The following PCSK5 variants were observed in gnomAD, a reference collection of about 807,000 sequenced individuals.
PCSK5 encodes the protein proprotein convertase subtilisin/kexin type 5.
In PCSK5, 129 loss-of-function variants were observed where a neutral mutation model predicts 233.2. That is an observed-to-expected ratio of 0.55 (90% CI 0.48 to 0.64). PCSK5 has a LOEUF of 0.64. Ranked by LOEUF, PCSK5 falls within the 30% of genes least tolerant of loss-of-function variation. The pLI, the probability that PCSK5 is intolerant of heterozygous loss-of-function variation, is 0.00. For synonymous variants in PCSK5, 825 were observed against 879.2 expected, an observed-to-expected ratio of 0.94 and a Z score of 1.09; for missense variants, 2,076 against 2,430.1, an observed-to-expected ratio of 0.85 and a Z score of 3.06.
Position 75,935,498 on chromosome 9 carries a change from C to CT in PCSK5, c.297+3021dup, listed in dbSNP as rs1167965658. On this transcript the variant is annotated intron_variant, in intron 2 of 37. Coordinates refer to ENST00000674117, the MANE Select transcript of PCSK5 (RefSeq NM_001372043.1). ...TGTATTTATTTAAAATAAGGACATT[C>CT]TTTTTTATAACCGTAAGTATAACAA... is the stretch of plus-strand genomic sequence containing the variant. Among the ~76,000 whole-genome samples, 10 of 152,208 alleles carry CT rather than the reference C, an allele frequency of 6.6e-5. No homozygotes were observed. The East Asian group carries it at 1.7e-3, about 26-fold the overall frequency.
chr9:76,223,387 A>T (rs1314086678), intron 20 of PCSK5, among the ~76,000 whole-genome samples: 1 of 152,246 alleles, frequency 6.6e-6, no homozygotes, highest in African/African-American at 2.4e-5. Flanking sequence ...ATGCTATGAT[A>T]CATGTTCAGT....
At chr9:76,290,034 T>C (rs17721076) in intron 24 of PCSK5, among the ~76,000 whole-genome samples, 31,448 of 152,122 alleles carry the variant, frequency 0.21, 3,352 homozygotes, top group South Asian at 0.22. Context: ...GACCAGAACA[T>C]TAAAGAACAG....
At chr9:76,074,459 G>T (rs1312434222) in intron 7 of PCSK5, among the ~76,000 whole-genome samples, 2 of 152,156 alleles carry the variant, frequency 1.3e-5, no homozygotes, top group Non-Finnish European at 2.9e-5. Flanking sequence ...TTGGCTCATA[G>T]CATTGCACAT....
Position 75,891,385 on chromosome 9 carries a change from C to A in PCSK5, c.192+12C>A. The stretch of plus-strand genomic sequence containing the variant: ...TCAACATAGGACAGGTAACGAACTA[C>A]AGGCTAGCCCAGCCCTCGGCCCTGA... On this transcript the variant is annotated intron_variant, in intron 1 of 37. Transcript: ENST00000674117. 4 of 1,539,502 alleles carry A rather than the reference C, an allele frequency of 2.6e-6. No homozygotes were observed. The highest frequency in any genetic ancestry group is 3.5e-6 in the Non-Finnish European group (4 of 1,149,576).
intron 1 of PCSK5, among the ~76,000 whole-genome samples, chr9:75,915,196 C>T (rs1349754898): frequency 6.6e-6 from 1 of 152,186 alleles, no homozygotes; most frequent in African/African-American, 2.4e-5. Context: ...CCCATGACTG[C>T]AGTGCTCAGG....
chr9:76,191,958 A>ACTTGGGT (rs1184195942), intron 20 of PCSK5, among the ~76,000 whole-genome samples: 1 of 147,426 alleles, frequency 6.8e-6, no homozygotes, highest in Non-Finnish European at 1.5e-5. Context: ...ACGTACCTGT[A>ACTTGGGT]ATCCCAGCTA....
At chr9:76,283,181 T>C (rs1323443641) in intron 24 of PCSK5, among the ~76,000 whole-genome samples, 3 of 152,204 alleles carry the variant, frequency 2.0e-5, no homozygotes, top group Non-Finnish European at 4.4e-5. Flanking sequence ...ATTTAGTTGA[T>C]AAAGTAGCAG....
chr9:76,236,199 AT>A (rs1169132057), intron 22 of PCSK5, among the ~76,000 whole-genome samples: 1 of 152,182 alleles, frequency 6.6e-6, no homozygotes, highest in Non-Finnish European at 1.5e-5. Context: ...CATCAAGTTT[AT>A]TTTCAGAATC....
chr9:75,905,420 G>A (rs1028033170), intron 1 of PCSK5, among the ~76,000 whole-genome samples: 29 of 152,218 alleles, frequency 1.9e-4, no homozygotes, highest in African/African-American at 6.5e-4. Flanking sequence ...GGCAAGCTGA[G>A]GCAGAAAGAG....
chr9:76,289,406 A>G (rs1159584166), intron 24 of PCSK5, among the ~76,000 whole-genome samples: 1 of 151,182 alleles, frequency 6.6e-6, no homozygotes, highest in African/African-American at 2.4e-5. Context: ...CCTTCTTTGG[A>G]TAACACCTTC....
intron 2 of PCSK5, among the ~76,000 whole-genome samples, chr9:75,960,043 A>G (rs1446908088): frequency 6.6e-6 from 1 of 152,202 alleles, no homozygotes; most frequent in Non-Finnish European, 1.5e-5. Flanking sequence ...GTCCAACACC[A>G]AAGTCCACAT....
intron 2 of PCSK5, among the ~76,000 whole-genome samples, chr9:75,967,432 C>CT (rs1563943786): frequency 1.3e-5 from 2 of 152,138 alleles, no homozygotes; most frequent in South Asian, 2.1e-4. Flanking sequence ...TGATTTCATT[C>CT]TTTTTTGTGG....
intron 5 of PCSK5, among the ~76,000 whole-genome samples, chr9:76,031,653 C>A (rs867798164): frequency 6.6e-6 from 1 of 152,170 alleles, no homozygotes; most frequent in Non-Finnish European, 1.5e-5. Context: ...TGTGCCACTG[C>A]ACTCCAGCCT....
intron 35 of PCSK5, among the ~76,000 whole-genome samples, chr9:76,342,666 C>T (rs1829868017): frequency 6.6e-6 from 1 of 152,204 alleles, no homozygotes; most frequent in African/African-American, 2.4e-5. Context: ...AAATCTGCTT[C>T]TTTTCCCAAA....
intron 10 of PCSK5, among the ~76,000 whole-genome samples, chr9:76,136,821 C>T (rs1024808137): frequency 4.6e-5 from 7 of 152,050 alleles, no homozygotes; most frequent in Admixed American, 4.6e-4. Context: ...ATTTCTTTCT[C>T]ATCACGTAAA....
chr9:76,290,364 G>C (rs772013820), intron 24 of PCSK5, among the ~76,000 whole-genome samples: 72 of 152,238 alleles, frequency 4.7e-4, no homozygotes, highest in Middle Eastern at 3.4e-3. Context: ...TTCACTTCCT[G>C]GTTCCACCTA....
intron 20 of PCSK5, among the ~76,000 whole-genome samples, chr9:76,205,570 C>T (rs936543477): frequency 3.9e-5 from 6 of 152,182 alleles, no homozygotes; most frequent in African/African-American, 1.4e-4. Context: ...GAAGTTCCGT[C>T]TCCCTGTCTT....
At chr9:76,258,869 A>G (rs1827066020) in intron 24 of PCSK5, among the ~76,000 whole-genome samples, 1 of 152,154 alleles carries the variant, frequency 6.6e-6, no homozygotes, top group Non-Finnish European at 1.5e-5. Flanking sequence ...CGAACCATGA[A>G]GTCAGTAACA....
chr9:75,917,265 GCC>G (rs1418498870), intron 1 of PCSK5, among the ~76,000 whole-genome samples: 1 of 152,090 alleles, frequency 6.6e-6, no homozygotes, highest in Non-Finnish European at 1.5e-5. Flanking sequence ...AAGACACATG[GCC>G]TGATGAGTTA....
Sources: allele counts gnomAD v4.1 joint callset (sites outside exome capture counted in the v4.1 genomes callset), GRCh38; gene constraint gnomAD v4.1.1; transcripts MANE v1.5; gene names NCBI Gene and HGNC (gene_info 2026-07-23, HGNC 2026-07-21).